YEATS2: variants seen among roughly 807,000 people sequenced by gnomAD.
YEATS2 encodes the protein YEATS domain-containing protein 2.
In YEATS2, 77 loss-of-function variants were observed where a neutral mutation model predicts 163.2. The observed-to-expected ratio is 0.47, with a 90% CI of 0.39 to 0.57. The LOEUF (loss-of-function observed/expected upper bound fraction) is 0.57, where lower values mean the gene tolerates loss of function less well. Among genes scored for constraint, YEATS2 ranks in the 20% least tolerant of loss-of-function variants. YEATS2 has a pLI of 0.00. For missense variants in YEATS2, 1,549 were observed against 1,729.8 expected, an observed-to-expected ratio of 0.90 and a Z score of 1.85; for synonymous variants, 631 against 645.1, an observed-to-expected ratio of 0.98 and a Z score of 0.33.
chr3:183,809,728 A>T (rs774398299), intron 30 of YEATS2, among the ~76,000 whole-genome samples: 13 of 152,140 alleles, frequency 8.5e-5, no homozygotes, highest in Non-Finnish European at 1.9e-4. Flanking sequence ...GTCTGTTCCT[A>T]GGCCCTGAAA....
chr3:183,761,297 G>C (rs952788129), intron 13 of YEATS2, among the ~76,000 whole-genome samples: 1 of 152,068 alleles, frequency 6.6e-6, no homozygotes, highest in Non-Finnish European at 1.5e-5. Flanking sequence ...GTGTTGGTCA[G>C]GCTGGTCTTG....
In YEATS2 at chr3:183,761,603, G is replaced by T; in HGVS notation, c.1753G>T (p.Ala585Ser). ...SPKPITGGLG[A>S]FTKVIIKQEP... ...CAAACCTATAACAGGAGGACTTGGA[G>T]CTTTCACAAAAGTGAGTATGTATTA... The change falls in exon 14 of 31, where the codon GCT becomes TCT. Residue 585 changes from alanine to serine, a missense_variant. Transcript: ENST00000305135. 13 of 1,614,086 alleles carry T rather than the reference G, an allele frequency of 8.1e-6. No homozygotes were observed. The highest frequency in any genetic ancestry group is 1.0e-5 in the Non-Finnish European group (12 of 1,179,926).
chr3:183,799,045 G>A lies in YEATS2; in HGVS notation c.3325+56G>A, dbSNP rs867616402. 7.6e-5 allele frequency: 100 copies of A among 1,320,882 alleles called. No individual in the cohort carries two copies. In the Admixed American group the frequency reaches 8.1e-4, roughly 11 times the overall value. The allele number at this position is 1,320,882 out of a possible 1,614,324, so 81.8% of individuals were successfully genotyped here. On this transcript the variant is annotated intron_variant, in intron 23 of 30. Transcript: ENST00000305135. ...GAAGTTTTGTTACTTTTTTATTGTC[G>A]TTCACGTTCTCTCCTGATGTCCAGA... is the stretch of plus-strand genomic sequence containing the variant.
chr3:183,774,921 A>G (rs149143633), intron 17 of YEATS2, among the ~76,000 whole-genome samples: 50 of 152,308 alleles, frequency 3.3e-4, no homozygotes, highest in African/African-American at 1.0e-3. Flanking sequence ...CCAGGGAGCT[A>G]CTTAGATTCT....
intron 2 of YEATS2, among the ~76,000 whole-genome samples, chr3:183,716,837 C>A (rs149523733): frequency 2.0e-5 from 3 of 152,050 alleles, no homozygotes; most frequent in African/African-American, 2.4e-5. Context: ...CTTTCTCCCC[C>A]CACCAGAATT....
chr3:183,781,984 A>G (rs196351), intron 19 of YEATS2, among the ~76,000 whole-genome samples: 62,632 of 151,826 alleles, frequency 0.41, 13,542 homozygotes, highest in Middle Eastern at 0.54. Flanking sequence ...CTTGAACTTC[A>G]TGTCAGTGGA....
chr3:183,716,029 G>A (rs372438594), intron 2 of YEATS2, among the ~76,000 whole-genome samples: 1 of 151,816 alleles, frequency 6.6e-6, no homozygotes. Context: ...GCGTGATCTC[G>A]GCTCACTGCA....
At chr3:183,807,947 C>A in intron 28 of YEATS2, 83 bp from the exon 29 acceptor site, 1 of 1,160,208 alleles carries the variant, frequency 8.6e-7, no homozygotes, top group African/African-American at 1.5e-5. Context: ...CATCGCTTTG[C>A]ATGTCAGGGA....
At position 183,728,852 on chromosome 3, in the gene YEATS2, G is replaced by A. The variant is rs1408712999; in HGVS notation, c.812+1G>A. ...AACCAAATGACCTTGTGGAAGTTAG[G>A]TAAGCACGCTTGAGGTATTTAACCT... On this transcript the variant is annotated splice_donor_variant, in intron 7 of 30. Transcript: ENST00000305135. LOFTEE classifies it high-confidence loss of function. The A allele has an allele frequency of 6.2e-7, 1 of 1,607,968 alleles. No homozygotes were observed. Among genetic ancestry groups the A allele is most frequent in the Admixed American group, 1.7e-5 (1 of 58,308 alleles).
chr3:183,808,566 A>G (rs890172274), intron 29 of YEATS2, among the ~76,000 whole-genome samples: 5 of 152,132 alleles, frequency 3.3e-5, no homozygotes, highest in Non-Finnish European at 5.9e-5. Context: ...CTTAAATACA[A>G]TGTCTAGGGC....
chr3:183,750,117 C>A (rs1205289879), intron 9 of YEATS2, among the ~76,000 whole-genome samples: 2 of 152,100 alleles, frequency 1.3e-5, no homozygotes, highest in Admixed American at 6.6e-5. Context: ...AGCCACCGCG[C>A]CCGGCCTACT....
chr3:183,725,351 G>C (rs191567965), intron 6 of YEATS2, among the ~76,000 whole-genome samples: 1 of 152,242 alleles, frequency 6.6e-6, no homozygotes, highest in African/African-American at 2.4e-5. Flanking sequence ...CCCTCAGCTC[G>C]AATGTTCAAA....
At chr3:183,726,011 AC>A (rs1717057289) in intron 6 of YEATS2, among the ~76,000 whole-genome samples, 1 of 151,746 alleles carries the variant, frequency 6.6e-6, no homozygotes, top group African/African-American at 2.4e-5. Flanking sequence ...CTTTTCGGTC[AC>A]CCATTTGTGT....
At chr3:183,699,340 A>T (rs1174837809) in intron 1 of YEATS2, among the ~76,000 whole-genome samples, 1 of 151,912 alleles carries the variant, frequency 6.6e-6, no homozygotes, top group Non-Finnish European at 1.5e-5. Context: ...GATGCATGTT[A>T]GTTATGAAGT....
At position 183,787,528 on chromosome 3, in the gene YEATS2, G is replaced by A. The variant is rs189128408; in HGVS notation, c.2913+1227G>A. On this transcript the variant is annotated intron_variant, in intron 20 of 30. Transcript: ENST00000305135. ...TATCTTTTATCCATTTACATCCTTT[G>A]CCCATTTTTTAGTTGGTTGTCTTTT... 4.6e-3 allele frequency among the ~76,000 whole-genome samples: 691 copies of A among 151,856 alleles called. 1 individual carries two copies. Among genetic ancestry groups the A allele is most frequent in the African/African-American group, 0.016 (658 of 41,390 alleles).
Position 183,761,631 on chromosome 3 carries a change from G to C in YEATS2, c.1764+17G>C, listed in dbSNP as rs1164143213. The C allele has an allele frequency of 1.0e-5, 16 of 1,604,066 alleles. No homozygotes were observed. Among genetic ancestry groups the C allele is most frequent in the Non-Finnish European group, 1.4e-5 (16 of 1,170,868 alleles). On this transcript the variant is annotated intron_variant, in intron 14 of 30. Transcript: ENST00000305135. ...TTCACAAAAGTGAGTATGTATTAGGGCATTGTCCCACAAGTCATAATACTT... is the reference window on the plus strand; with the variant it reads ...TTCACAAAAGTGAGTATGTATTAGGCCATTGTCCCACAAGTCATAATACTT...
At chr3:183,769,411 A>C (rs1722229173) in intron 15 of YEATS2, among the ~76,000 whole-genome samples, 1 of 152,148 alleles carries the variant, frequency 6.6e-6, no homozygotes, top group Non-Finnish European at 1.5e-5. Flanking sequence ...GTGGATTATT[A>C]TTCTTCAGTT....
At chr3:183,761,157 G>A (rs763558829) in intron 13 of YEATS2, among the ~76,000 whole-genome samples, 3 of 151,470 alleles carry the variant, frequency 2.0e-5, no homozygotes, top group South Asian at 4.2e-4. Context: ...GCGTGATCTC[G>A]GCTCACCACA....
intron 2 of YEATS2, among the ~76,000 whole-genome samples, chr3:183,716,332 T>C (rs1334102958): frequency 6.6e-6 from 1 of 152,180 alleles, no homozygotes. Context: ...CTACCTAAGT[T>C]AATACTTTTA....
Sources: gnomAD v4.1 joint callset for allele counts (sites outside exome capture counted in the v4.1 genomes callset) on GRCh38, gnomAD v4.1.1 for gene constraint, MANE v1.5 for transcripts, NCBI Gene and HGNC (gene_info 2026-07-23, HGNC 2026-07-21) for gene names.